Variants in MIA2 observed in about 807,000 individuals in gnomAD.
The protein encoded by MIA2 is MIA SH3 domain ER export factor 2.
In MIA2, 127 loss-of-function variants were observed where a neutral mutation model predicts 167.8. That is an observed-to-expected ratio of 0.76 (90% CI 0.66 to 0.88). The LOEUF (loss-of-function observed/expected upper bound fraction) is 0.88. Ranked by LOEUF, MIA2 falls within the 40% of genes least tolerant of loss-of-function variation. MIA2 has a pLI of 0.00. For missense variants in MIA2, 1,690 were observed against 1,624.7 expected (o/e 1.04, Z -0.69); for synonymous variants, 552 against 541.9 (o/e 1.02, Z -0.26).
At chr14:39,274,398 C>G (rs961178777) in intron 6 of MIA2, among the ~76,000 whole-genome samples, 2 of 151,518 alleles carry the variant, frequency 1.3e-5, no homozygotes, top group Non-Finnish European at 2.9e-5. Flanking sequence ...TGAGATGAAT[C>G]CTTTAGAACT....
intron 23 of MIA2, among the ~76,000 whole-genome samples, chr14:39,369,205 C>T (rs1044720214): frequency 1.3e-4 from 20 of 152,158 alleles, no homozygotes; most frequent in Middle Eastern, 3.4e-3. Context: ...CAGGGTTTGC[C>T]TTGGGTTGAG....
chr14:39,278,330 T>C (rs2058463856), intron 7 of MIA2, among the ~76,000 whole-genome samples: 1 of 152,240 alleles, frequency 6.6e-6, no homozygotes, highest in Non-Finnish European at 1.5e-5. Flanking sequence ...CTTTTACTTC[T>C]GACTTCCCTA....
intron 12 of MIA2, 116 bp from the exon 13 acceptor site, chr14:39,294,809 T>C: frequency 1.4e-6 from 1 of 715,108 alleles, no homozygotes; most frequent in Non-Finnish European, 2.5e-6. Flanking sequence ...CTGCCTCTGC[T>C]GTTAATATTG....
intron 6 of MIA2, 188 bp from the exon 7 acceptor site, chr14:39,276,746 A>C (rs1594899147): frequency 1.8e-6 from 1 of 548,648 alleles, no homozygotes; most frequent in East Asian, 3.3e-5. Flanking sequence ...ATTGCATTTC[A>C]CCATACTGCT....
At chr14:39,339,933 C>T (rs2071406142) in intron 25 of MIA2, among the ~76,000 whole-genome samples, 1 of 152,340 alleles carries the variant, frequency 6.6e-6, no homozygotes, top group African/African-American at 2.4e-5. Context: ...ACAGCCTCGA[C>T]CTCCTGGGCC....
chr14:39,277,742 A>ATATATATATATATATG (rs1555358714), intron 7 of MIA2, among the ~76,000 whole-genome samples: 1 of 2,630 alleles, frequency 3.8e-4, no homozygotes, highest in Admixed American at 4.4e-3. Context: ...ATATATATAT[A>ATATATATATATATATG]TGTGTGTATA....
chr14:39,365,520 A>G (rs1003845814), intron 23 of MIA2, among the ~76,000 whole-genome samples: 3 of 151,980 alleles, frequency 2.0e-5, no homozygotes, highest in African/African-American at 7.3e-5. Context: ...GAGTTATTTC[A>G]AAAGGCCTGT....
chr14:39,345,203 C>G (rs528488259), intron 25 of MIA2, among the ~76,000 whole-genome samples: 1 of 152,052 alleles, frequency 6.6e-6, no homozygotes, highest in Non-Finnish European at 1.5e-5. Flanking sequence ...CCTCAGTCTC[C>G]CGAGTAGCTG....
intron 23 of MIA2, among the ~76,000 whole-genome samples, chr14:39,362,583 T>C (rs1595943107): frequency 6.6e-6 from 1 of 152,156 alleles, no homozygotes; most frequent in East Asian, 1.9e-4. Context: ...TTTTTCTTGG[T>C]TAGTCTAGCT....
rs2054388442 is a variant in MIA2, at chr14:39,248,045, G to T, written c.1471G>T (p.Val491Leu). 3.2e-6 allele frequency: 5 copies of T among 1,567,188 alleles called. No homozygotes were observed. ...FPKQILDQNN[V>L]IENEETGEFS... ...CAAACAGATACTGGATCAAAATAAT[G>T]TAATTGAAAATGAAGAAACTGGAGA... The change falls in exon 4 of 29, where the codon GTA becomes TTA. Residue 491 changes from valine to leucine, a missense_variant. Transcript: ENST00000640607.
intron 3 of MIA2, among the ~76,000 whole-genome samples, chr14:39,245,033 C>T (rs1171076156): frequency 6.6e-6 from 1 of 150,574 alleles, no homozygotes; most frequent in African/African-American, 2.4e-5. Flanking sequence ...CCACCTCAGC[C>T]TCCCCAAGCA....
intron 3 of MIA2, 136 bp from the exon 4 acceptor site, chr14:39,246,775 T>C: frequency 2.1e-6 from 1 of 483,520 alleles, no homozygotes; most frequent in Non-Finnish European, 3.6e-6. Flanking sequence ...GTGATACAAG[T>C]GTTTGAGTTT....
rs547627258 is a variant in MIA2 at position 39,301,682 on chromosome 14, C to G, written c.2620-447C>G. Reference sequence around the variant, plus strand: ...ACCTCTAATGTTCCATTCAAATTCTCTTTTATAAATGTCTTTATCTCAGCT... The same window carrying G: ...ACCTCTAATGTTCCATTCAAATTCTGTTTTATAAATGTCTTTATCTCAGCT... On this transcript the variant is annotated intron_variant, in intron 14 of 28. Coordinates refer to ENST00000640607, the MANE Select transcript of MIA2 (RefSeq NM_001329214.4). Among the ~76,000 whole-genome samples the G allele has an allele frequency of 2.0e-5, 3 of 152,272 alleles. No homozygotes were observed. In the South Asian group the frequency reaches 6.2e-4, roughly 32 times the overall value.
intron 24 of MIA2, among the ~76,000 whole-genome samples, chr14:39,322,195 G>T (rs1293096154): frequency 6.6e-6 from 1 of 152,164 alleles, no homozygotes; most frequent in African/African-American, 2.4e-5. Context: ...AATCAGTAGT[G>T]CTCTTGTAGG....
chr14:39,359,702 A>G (rs1033373369), intron 23 of MIA2, among the ~76,000 whole-genome samples: 1 of 152,136 alleles, frequency 6.6e-6, no homozygotes, highest in Non-Finnish European at 1.5e-5. Flanking sequence ...CCAGCCCCCT[A>G]TACCACATTT....
intron 6 of MIA2, among the ~76,000 whole-genome samples, chr14:39,259,787 C>T (rs1252186011): frequency 6.7e-6 from 1 of 149,604 alleles, no homozygotes; most frequent in Admixed American, 6.7e-5. Context: ...TATACATGTG[C>T]CGTGTTGGTT....
rs143612970 is a variant in MIA2, at chr14:39,238,235, C to T, written c.249+1180C>T. 6.9e-3 allele frequency among the ~76,000 whole-genome samples: 1,050 copies of T among 151,256 alleles called. 11 individuals carry two copies. Among genetic ancestry groups the T allele is most frequent in the African/African-American group, 0.024 (992 of 41,158 alleles). On this transcript the variant is annotated intron_variant, in intron 2 of 28. Transcript: ENST00000640607. ...TCACCCAGACTGGAGTGCAGTGGCA[C>T]GATTTCAGCTCACTGCAACCTCTAC...
chr14:39,375,150 C>T (rs1043386831), intron 23 of MIA2, among the ~76,000 whole-genome samples: 1 of 152,142 alleles, frequency 6.6e-6, no homozygotes, highest in Non-Finnish European at 1.5e-5. Flanking sequence ...AACTTAAGAG[C>T]CTTCTGTTTT....
chr14:39,371,095 A>G (rs997961621), intron 23 of MIA2, among the ~76,000 whole-genome samples: 5 of 151,878 alleles, frequency 3.3e-5, no homozygotes, highest in Admixed American at 2.0e-4. Context: ...TGTAAACTTC[A>G]CTTTTAGTGT....
Sources: gnomAD v4.1 joint callset for allele counts (sites outside exome capture counted in the v4.1 genomes callset) on GRCh38, gnomAD v4.1.1 for gene constraint, MANE v1.5 for transcripts, NCBI Gene and HGNC (gene_info 2026-07-23, HGNC 2026-07-21) for gene names.